Variants in APOBEC3G observed in about 807,000 individuals in gnomAD.
The protein encoded by APOBEC3G is DNA dC->dU-editing enzyme APOBEC-3G.
In APOBEC3G, 44 loss-of-function variants were observed where a neutral mutation model predicts 50.0. The observed-to-expected ratio is 0.88, with a 90% CI of 0.69 to 1.13. APOBEC3G has a LOEUF of 1.13. Ranked by LOEUF, APOBEC3G falls within the 50% of genes most tolerant of loss-of-function variation. APOBEC3G has a pLI of 0.00. For missense variants in APOBEC3G, 469 were observed against 492.0 expected, an observed-to-expected ratio of 0.95 and a Z score of 0.44; for synonymous variants, 156 against 175.3, an observed-to-expected ratio of 0.89 and a Z score of 0.87.
chr22:39,083,867 G>A lies in APOBEC3G; in HGVS notation c.718G>A (p.Gly240Ser). The A allele has an allele frequency of 6.2e-7, 1 of 1,613,396 alleles. No homozygotes were observed. The part of the protein sequence containing the change: ...DTWVLLNQRR[G>S]FLCNQAPHKH... ...CTGGGTCCTGCTGAACCAGCGCAGG[G>A]GCTTTCTATGCAACCAGGTGACCAA... The change falls in exon 5 of 8, where the codon GGC (glycine) becomes AGC (serine). Residue 240 changes from glycine (G) to serine (S), a missense_variant. By Grantham distance (56) the Gly-to-Ser change is moderately conservative (BLOSUM62 0). Coordinates refer to ENST00000407997, the MANE Select transcript of APOBEC3G (RefSeq NM_021822.4).
Position 39,087,698 on chromosome 22 carries a change from G to A in APOBEC3G, c.*277G>A, listed in dbSNP as rs565151205. On this transcript the variant is annotated 3_prime_UTR_variant, in exon 8 of 8. Transcript: ENST00000407997. The stretch of plus-strand genomic sequence containing the variant: ...TACTAATCCAGCGACAATTTGAATC[G>A]GTTTTGTAGGTAGAGGAATAAAATG... 4.0e-5 allele frequency: 21 copies of A among 530,180 alleles called. No individual in the cohort carries two copies. Among genetic ancestry groups the A allele is most frequent in the Admixed American group, 1.8e-4 (5 of 28,364 alleles). 32.8% of individuals were successfully genotyped at this position (530,180 alleles called of 1,614,324 possible). A position where few individuals can be genotyped will look rare whatever the true frequency, so the allele number is the denominator to read the frequency against.
chr22:39,079,586 G>T (rs995045853), intron 2 of APOBEC3G: 9 of 152,920 alleles, frequency 5.9e-5, no homozygotes, highest in African/African-American at 1.7e-4. Flanking sequence ...GCCTCCCAAA[G>T]TGTTGGGATT....
At chr22:39,083,275 C>A (rs760323927) in intron 4 of APOBEC3G, 1 of 154,146 alleles carries the variant, frequency 6.5e-6, no homozygotes, top group South Asian at 2.1e-4. Flanking sequence ...CTCTTCTCCC[C>A]GCTGGTCCCG....
intron 3 of APOBEC3G, 121 bp from the exon 4 acceptor site, chr22:39,081,350 G>A (rs553224903): frequency 6.5e-7 from 1 of 1,537,658 alleles, no homozygotes; most frequent in African/African-American, 1.4e-5. Flanking sequence ...AGGGGAGCCT[G>A]TGGGGTTGGG....
chr22:39,077,164 A>G (rs1308180537), upstream of APOBEC3G: 1 of 756,426 alleles, frequency 1.3e-6, no homozygotes, highest in Admixed American at 2.9e-5. Flanking sequence ...AAAACCAGAA[A>G]GAGGGTGAGA....
At chr22:39,083,625 G>T in intron 4 of APOBEC3G, 106 bp from the exon 5 acceptor site, 2 of 1,354,882 alleles carry the variant, frequency 1.5e-6, no homozygotes, top group African/African-American at 1.4e-5. Context: ...GGGAGCCGGG[G>T]GAAGGAAGGA....
intron 2 of APOBEC3G, 21 bp from the exon 3 acceptor site, chr22:39,080,912 C>A: frequency 6.2e-7 from 1 of 1,601,414 alleles, no homozygotes; most frequent in African/African-American, 1.3e-5. Context: ...AGAGCTTGCC[C>A]TGACCCTGCT....
chr22:39,080,695 T>C (rs1928397390), intron 2 of APOBEC3G: 3 of 531,998 alleles, frequency 5.6e-6, no homozygotes, highest in Non-Finnish European at 1.0e-5. Context: ...AAGGTGCAGT[T>C]CCCACAGCCT....
chr22:39,085,716 G>A (rs556960124), intron 5 of APOBEC3G, among the ~76,000 whole-genome samples: 4 of 151,174 alleles, frequency 2.6e-5, no homozygotes, highest in Non-Finnish European at 4.4e-5. Flanking sequence ...GTGAAACCCC[G>A]TCTCTACTGA....
rs1928761198 is a variant in APOBEC3G at position 39,087,729 on chromosome 22, C to G, written c.*308C>G. The G allele has an allele frequency of 4.6e-6, 2 of 435,938 alleles. No individual in the cohort carries two copies. 27.0% of individuals were successfully genotyped at this position (435,938 alleles called of 1,614,324 possible). On this transcript the variant is annotated 3_prime_UTR_variant, in exon 8 of 8. Coordinates refer to ENST00000407997, the MANE Select transcript of APOBEC3G (RefSeq NM_021822.4). ...GTAGGTAGAGGAATAAAATGAAATA[C>G]TAAATCTTTCTGTATATGTTTCCCT... is the stretch of plus-strand genomic sequence containing the variant.
chr22:39,086,657 C>T (rs1928710707), intron 6 of APOBEC3G, 90 bp downstream of exon 6: 13 of 1,495,086 alleles, frequency 8.7e-6, no homozygotes, highest in Non-Finnish European at 1.2e-5. Context: ...GTCGGCATCC[C>T]TGTGGGAAAG....
At chr22:39,087,232 C>G in intron 7 of APOBEC3G, 106 bp downstream of exon 7, 2 of 1,601,924 alleles carry the variant, frequency 1.2e-6, no homozygotes, top group Non-Finnish European at 1.7e-6. Flanking sequence ...GGGTTCCCTG[C>G]TCCCCCAGGG....
At chr22:39,084,347 G>A (rs1194187721) in intron 5 of APOBEC3G, among the ~76,000 whole-genome samples, 2 of 152,152 alleles carry the variant, frequency 1.3e-5, no homozygotes, top group African/African-American at 4.8e-5. Context: ...CTAACACGGT[G>A]AAACCCCATC....
At chr22:39,080,325 T>C (rs976722408) in intron 2 of APOBEC3G, 3 of 379,710 alleles carry the variant, frequency 7.9e-6, no homozygotes, top group Non-Finnish European at 1.1e-5. Flanking sequence ...ACTTCCAAAC[T>C]CAGGGAAGCA....
intron 2 of APOBEC3G, chr22:39,079,318 T>TA (rs1485529845): frequency 1.8e-6 from 1 of 551,414 alleles, no homozygotes; most frequent in Non-Finnish European, 3.0e-6. Context: ...TTCTTTTCTT[T>TA]TTTCTTTTTT....
At chr22:39,081,798 C>G in intron 4 of APOBEC3G, 1 of 513,578 alleles carries the variant, frequency 1.9e-6, no homozygotes, top group Non-Finnish European at 3.5e-6. Flanking sequence ...CTGGGCCCTT[C>G]CTGTGAGTGA....
Position 39,083,289 on chromosome 22 carries a change from A to G in APOBEC3G, c.582-442A>G, listed in dbSNP as rs73887543. ...GCTCTTCTCCCCGCTGGTCCCGCTC[A>G]GGAGTGTCTCTGCCCTGATGCTGGG... On this transcript the variant is annotated intron_variant, in intron 4 of 7. Transcript: ENST00000407997. 3.5e-3 allele frequency: 548 copies of G among 154,874 alleles called. 3 individuals are homozygous for G. The highest frequency in any genetic ancestry group is 0.013 in the African/African-American group (528 of 41,656). 9.6% of individuals were successfully genotyped at this position (154,874 alleles called of 1,614,324 possible). A position where few individuals can be genotyped will look rare whatever the true frequency, so the allele number is the denominator to read the frequency against.
intron 7 of APOBEC3G, 124 bp downstream of exon 7, chr22:39,087,250 C>G: frequency 5.0e-6 from 8 of 1,598,862 alleles, no homozygotes; most frequent in Non-Finnish European, 6.0e-6. Context: ...GGGCACCTGT[C>G]TCTGTCCCTC....
chr22:39,078,690 G>A, intron 1 of APOBEC3G: 1 of 501,662 alleles, frequency 2.0e-6, no homozygotes, highest in East Asian at 3.4e-5. Context: ...GTTATTTTGG[G>A]GTGAAGAGTT....
Sources: gnomAD v4.1 joint callset for allele counts (sites outside exome capture counted in the v4.1 genomes callset) on GRCh38, gnomAD v4.1.1 for gene constraint, MANE v1.5 for transcripts, NCBI Gene and HGNC (gene_info 2026-07-23, HGNC 2026-07-21) for gene names.